The following GPC5 variants were observed in gnomAD, a reference collection of about 807,000 sequenced individuals.
GPC5 encodes the protein glypican-5.
Under a neutral mutation model 53.9 loss-of-function variants are expected in GPC5, and 47 were observed. The observed-to-expected ratio is 0.87, with a 90% confidence interval of 0.69 to 1.11. The LOEUF (loss-of-function observed/expected upper bound fraction) is 1.11. Ranked by LOEUF, GPC5 falls within the 50% of genes most tolerant of loss-of-function variation. The pLI is 0.00. For synonymous variants in GPC5, 286 were observed against 263.3 expected, an observed-to-expected ratio of 1.09 and a Z score of -0.84; for missense variants, 748 against 713.1, an observed-to-expected ratio of 1.05 and a Z score of -0.56.
intron 1 of GPC5, among the ~76,000 whole-genome samples, chr13:91,447,357 T>A (rs1388829496): frequency 6.6e-6 from 1 of 151,924 alleles, no homozygotes; most frequent in East Asian, 1.9e-4. Flanking sequence ...ATAATTTTAC[T>A]GTTTGAAGTA....
chr13:92,592,999 T>C (rs942858288), intron 7 of GPC5, among the ~76,000 whole-genome samples: 1 of 151,052 alleles, frequency 6.6e-6, no homozygotes, highest in African/African-American at 2.4e-5. Context: ...CATCCCCTCA[T>C]GTTGGCTGGG....
At chr13:91,702,671 G>GA (rs2036018520) in intron 3 of GPC5, among the ~76,000 whole-genome samples, 1 of 151,994 alleles carries the variant, frequency 6.6e-6, no homozygotes, top group African/African-American at 2.4e-5. Flanking sequence ...CTATTTCTGT[G>GA]AAAAATTTCA....
intron 7 of GPC5, among the ~76,000 whole-genome samples, chr13:92,551,341 A>G (rs1461322267): frequency 6.6e-6 from 1 of 151,744 alleles, no homozygotes; most frequent in East Asian, 1.9e-4. Context: ...AAAAATTGAG[A>G]TATCAAAAGT....
At chr13:92,025,743 T>C (rs1253040911) in intron 6 of GPC5, among the ~76,000 whole-genome samples, 2 of 152,238 alleles carry the variant, frequency 1.3e-5, no homozygotes, top group African/African-American at 2.4e-5. Context: ...TTACTTATTA[T>C]TGTAGATGAT....
chr13:91,713,669 A>G (rs895403142), intron 3 of GPC5, among the ~76,000 whole-genome samples: 4 of 152,134 alleles, frequency 2.6e-5, no homozygotes, highest in Non-Finnish European at 5.9e-5. Context: ...TCAGAATGTC[A>G]CAAAGACTCT....
At chr13:91,798,805 ATGAT>A (rs2038088473) in intron 5 of GPC5, among the ~76,000 whole-genome samples, 1 of 152,098 alleles carries the variant, frequency 6.6e-6, no homozygotes, top group African/African-American at 2.4e-5. Flanking sequence ...GTCTTCCATA[ATGAT>A]TGAACTAATT....
At chr13:92,584,569 G>A (rs1022648640) in intron 7 of GPC5, among the ~76,000 whole-genome samples, 10 of 152,292 alleles carry the variant, frequency 6.6e-5, no homozygotes, top group African/African-American at 2.4e-4. Context: ...CTGACAATAT[G>A]ATAGAAAAGA....
intron 7 of GPC5, among the ~76,000 whole-genome samples, chr13:92,450,114 T>C (rs892573178): frequency 2.6e-5 from 4 of 152,118 alleles, no homozygotes; most frequent in Admixed American, 2.0e-4. Flanking sequence ...CTTCCCTTTT[T>C]TTGCATTTAC....
At chr13:91,709,793 A>G (rs1374063254) in intron 3 of GPC5, among the ~76,000 whole-genome samples, 2 of 152,202 alleles carry the variant, frequency 1.3e-5, no homozygotes, top group East Asian at 1.9e-4. Flanking sequence ...TGATTCCCCA[A>G]TGAATATCTG....
At chr13:91,430,712 T>G (rs1282869202) in intron 1 of GPC5, among the ~76,000 whole-genome samples, 1 of 152,184 alleles carries the variant, frequency 6.6e-6, no homozygotes, top group African/African-American at 2.4e-5. Context: ...TACTTTTAGT[T>G]TTCTAGACTG....
intron 2 of GPC5, among the ~76,000 whole-genome samples, chr13:91,550,998 T>C (rs2030605749): frequency 1.3e-5 from 2 of 152,138 alleles, no homozygotes; most frequent in Admixed American, 6.6e-5. Context: ...TACCCAGTCT[T>C]GAGTGTGTCT....
At chr13:91,436,931 C>T (rs1250136846) in intron 1 of GPC5, among the ~76,000 whole-genome samples, 1 of 152,118 alleles carries the variant, frequency 6.6e-6, no homozygotes, top group Non-Finnish European at 1.5e-5. Context: ...GATCCCTTTA[C>T]CATTATGTAA....
intron 2 of GPC5, among the ~76,000 whole-genome samples, chr13:91,542,014 C>T (rs943237182): frequency 2.3e-5 from 1 of 42,672 alleles, no homozygotes; most frequent in Admixed American, 2.6e-4. Flanking sequence ...CATTTGAGCT[C>T]TTAATATTAA....
rs146790364 is a variant in GPC5 at position 92,583,044 on chromosome 13, A to T, written c.1562-283238A>T. Reference sequence around the variant, plus strand: ...TTCCATGTTGAATGAAAGTGGTAAGAGTGGACATCCTTGTCTTGTTCCTGA... The same window carrying T: ...TTCCATGTTGAATGAAAGTGGTAAGTGTGGACATCCTTGTCTTGTTCCTGA... On this transcript the variant is annotated intron_variant, in intron 7 of 7. Transcript: ENST00000377067. Among the ~76,000 whole-genome samples, 359 of 151,474 alleles carry T rather than the reference A, an allele frequency of 2.4e-3. 1 individual carries two copies. Among genetic ancestry groups the T allele is most frequent in the African/African-American group, 8.4e-3 (347 of 41,530 alleles).
chr13:91,828,317 T>A (rs1240736440), intron 5 of GPC5, among the ~76,000 whole-genome samples: 1 of 151,926 alleles, frequency 6.6e-6, no homozygotes, highest in Non-Finnish European at 1.5e-5. Flanking sequence ...AATAACTGTA[T>A]GTGAATGTCC....
intron 7 of GPC5, among the ~76,000 whole-genome samples, chr13:92,539,599 T>A (rs993587669): frequency 2.6e-5 from 4 of 152,028 alleles, no homozygotes; most frequent in African/African-American, 7.2e-5. Context: ...ATTGCAAAAA[T>A]TTTCTCCCAT....
At chr13:91,935,627 T>G (rs1224728638) in intron 6 of GPC5, among the ~76,000 whole-genome samples, 1 of 152,012 alleles carries the variant, frequency 6.6e-6, no homozygotes, top group African/African-American at 2.4e-5. Context: ...ACACATTGTA[T>G]CAGGAACAGC....
chr13:91,988,384 G>A (rs2040427783), intron 6 of GPC5, among the ~76,000 whole-genome samples: 1 of 152,278 alleles, frequency 6.6e-6, no homozygotes, highest in African/African-American at 2.4e-5. Context: ...GCATATGGAA[G>A]TCAGAAAGCT....
intron 7 of GPC5, among the ~76,000 whole-genome samples, chr13:92,418,907 C>T (rs989505546): frequency 1.4e-4 from 21 of 152,118 alleles, no homozygotes; most frequent in Admixed American, 1.0e-3. Flanking sequence ...AAGATGATTG[C>T]TAGGAAAATA....
Sources: allele counts gnomAD v4.1 joint callset (sites outside exome capture counted in the v4.1 genomes callset), GRCh38; gene constraint gnomAD v4.1.1; transcripts MANE v1.5; gene names NCBI Gene and HGNC (gene_info 2026-07-23, HGNC 2026-07-21).